Variants in ERICH3 observed in about 807,000 individuals in gnomAD.
ERICH3 encodes glutamate rich 3, also known as glutamate-rich protein 3.
ERICH3 carries 126 observed loss-of-function variants against 131.1 expected under a neutral mutation model. That is an observed-to-expected ratio of 0.96 (90% CI 0.83 to 1.11). The LOEUF (loss-of-function observed/expected upper bound fraction) is 1.11, where lower values mean the gene tolerates loss of function less well. ERICH3 is among the 50% of genes most tolerant of loss of function. ERICH3 has a pLI of 0.00. For synonymous variants in ERICH3, 695 were observed against 644.6 expected (o/e 1.08, Z -1.18); for missense variants, 2,050 against 1,810.7 (o/e 1.13, Z -2.40).
chr1:74,639,818 A>T (rs1438208922), intron 5 of ERICH3, among the ~76,000 whole-genome samples: 1 of 152,194 alleles, frequency 6.6e-6, no homozygotes, highest in Non-Finnish European at 1.5e-5. Flanking sequence ...AAAAAAATCA[A>T]TGGCAAGATC....
intron 1 of ERICH3, among the ~76,000 whole-genome samples, chr1:74,656,959 A>G (rs571689332): frequency 6.6e-6 from 1 of 152,338 alleles, no homozygotes; most frequent in African/African-American, 2.4e-5. Context: ...GTATGGAGCT[A>G]TGCACACAGT....
Position 74,571,579 on chromosome 1 carries a change from G to C in ERICH3, c.4131C>G (p.Ser1377=). 6.2e-7 allele frequency: 1 copy of C among 1,614,126 alleles called. No homozygotes were observed. The highest frequency in any genetic ancestry group is 8.5e-7 in the Non-Finnish European group (1 of 1,180,002). The change falls in exon 14 of 15, where the codon TCC becomes TCG. Residue 1377 remains serine, a synonymous_variant. Transcript: ENST00000326665. ...TTTCTTCCTCAGCAACATCTGAAAA[G>C]GAGGAGGCTTTATTTGCTATTGTTT... is the stretch of plus-strand genomic sequence containing the variant. ...EEKTIANKAS[S]FSDVAEEETW...
chr1:74,603,655 G>T (rs1648252673), intron 10 of ERICH3, among the ~76,000 whole-genome samples: 1 of 151,922 alleles, frequency 6.6e-6, no homozygotes. Flanking sequence ...TTGCAATAAA[G>T]ATAGTGATAT....
chr1:74,608,091 T>C (rs1336569878), intron 9 of ERICH3, among the ~76,000 whole-genome samples: 7 of 151,966 alleles, frequency 4.6e-5, no homozygotes, highest in Non-Finnish European at 1.0e-4. Flanking sequence ...CATCACATCA[T>C]ACTGAAGCAC....
Position 74,571,549 on chromosome 1 carries a change from C to T in ERICH3, c.4161G>A (p.Trp1387Ter), listed in dbSNP as rs1385661953. ...TTCCTACTAACTCATCCTGTTGGTG[C>T]CAGGTTTCTTCCTCAGCAACATCTG... ...SFSDVAEEET[W>*]HQQDELVGKT... The change falls in exon 14 of 15, where the codon TGG (tryptophan) becomes TGA (stop). Residue 1387 changes from tryptophan to a stop codon, truncating the protein, a stop_gained. Transcript: ENST00000326665. LOFTEE classifies it high-confidence loss of function. The T allele has an allele frequency of 6.2e-7, 1 of 1,614,162 alleles. No individual in the cohort carries two copies. Among genetic ancestry groups the T allele is most frequent in the African/African-American group, 1.3e-5 (1 of 75,040 alleles).
Position 74,589,616 on chromosome 1 carries a change from A to G in ERICH3, c.2176+15T>C, listed in dbSNP as rs539124280. ...CATGAGGATGATGGCAGCTCAACTC[A>G]ACGGCCATACTTACCACCTTCCTCC... On this transcript the variant is annotated intron_variant, in intron 12 of 14. Coordinates refer to ENST00000326665, the MANE Select transcript of ERICH3 (RefSeq NM_001002912.5). 2 of 1,610,626 alleles carry G rather than the reference A, an allele frequency of 1.2e-6. No individual in the cohort carries two copies. The highest frequency in any genetic ancestry group is 1.7e-6 in the Non-Finnish European group (2 of 1,177,906).
intron 1 of ERICH3, among the ~76,000 whole-genome samples, chr1:74,661,827 A>G (rs923563630): frequency 1.3e-5 from 2 of 152,242 alleles, no homozygotes; most frequent in Admixed American, 1.3e-4. Flanking sequence ...TACATAAAGC[A>G]TAACTGGAAT....
chr1:74,674,055 C>G (rs1158093271), upstream of ERICH3, among the ~76,000 whole-genome samples: 5 of 152,160 alleles, frequency 3.3e-5, no homozygotes, highest in Admixed American at 3.3e-4. Context: ...GCAGCTACTG[C>G]GTGATGCGGT....
intron 12 of ERICH3, among the ~76,000 whole-genome samples, chr1:74,588,422 A>G (rs1481349047): frequency 6.6e-6 from 1 of 152,162 alleles, no homozygotes; most frequent in East Asian, 1.9e-4. Flanking sequence ...TGTGCATAGT[A>G]GAAGATTAAT....
chr1:74,611,597 T>C (rs78000604), intron 9 of ERICH3, among the ~76,000 whole-genome samples: 5,861 of 152,234 alleles, frequency 0.038, 393 homozygotes, highest in African/African-American at 0.14. Context: ...CTTAGCCTCA[T>C]GGTCTCTGCG....
intron 12 of ERICH3, chr1:74,577,513 TA>T (rs1647088206): frequency 6.6e-6 from 1 of 152,234 alleles, no homozygotes; most frequent in African/African-American, 2.4e-5. Flanking sequence ...TCAAAAGGTA[TA>T]AAAACAGGTC....
chr1:74,592,880 G>T (rs2100566619), intron 11 of ERICH3, among the ~76,000 whole-genome samples: 1 of 152,078 alleles, frequency 6.6e-6, no homozygotes, highest in Admixed American at 6.6e-5. Context: ...AAAAGCTTCA[G>T]GGTTATGAAA....
At chr1:74,671,387 G>A (rs1646741879) in intron 1 of ERICH3, among the ~76,000 whole-genome samples, 1 of 152,138 alleles carries the variant, frequency 6.6e-6, no homozygotes, top group Non-Finnish European at 1.5e-5. Flanking sequence ...TGTACCTACT[G>A]TCTGTTATTA....
intron 1 of ERICH3, among the ~76,000 whole-genome samples, chr1:74,651,952 C>A (rs1646539052): frequency 1.3e-5 from 2 of 152,124 alleles, no homozygotes; most frequent in Non-Finnish European, 2.9e-5. Context: ...GTGCACGATG[C>A]CTGTCCAGGC....
At chr1:74,570,911 A>C (rs1646929597) in intron 14 of ERICH3, among the ~76,000 whole-genome samples, 188 bp downstream of exon 14, 1 of 152,080 alleles carries the variant, frequency 6.6e-6, no homozygotes, top group Admixed American at 6.5e-5. Flanking sequence ...GTCCCTGTGC[A>C]TGCTTTGGCC....
At position 74,573,228 on chromosome 1, in the gene ERICH3, T is replaced by C. The variant is rs772182365; in HGVS notation, c.2482A>G (p.Lys828Glu). ...TCTATGCCTGGAGGGATCTCCCTTT[T>C]TTCTGTAAACTCTTCTGCCAATTCT... Reference protein sequence around the residue: ...QPELAEEFTEKREIPPGIERG... With the variant: ...QPELAEEFTEEREIPPGIERG... The change falls in exon 14 of 15, where the codon AAA (lysine) becomes GAA (glutamate). Residue 828 changes from lysine (K) to glutamate (E), a missense_variant. Transcript: ENST00000326665. 7.5e-6 allele frequency: 12 copies of C among 1,609,550 alleles called. No homozygotes were observed. In the South Asian group the frequency reaches 7.8e-5, roughly 10 times the overall value.
intron 8 of ERICH3, among the ~76,000 whole-genome samples, chr1:74,613,189 T>C (rs1462168437): frequency 6.6e-6 from 1 of 152,226 alleles, no homozygotes; most frequent in African/African-American, 2.4e-5. Flanking sequence ...TTGCATTTGA[T>C]TACTTTTATT....
Position 74,589,810 on chromosome 1 carries a change from T to C in ERICH3, c.1997A>G (p.Glu666Gly), listed in dbSNP as rs775314912. The C allele has an allele frequency of 1.9e-6, 3 of 1,614,132 alleles. No homozygotes were observed. The South Asian group carries it at 3.3e-5, about 18-fold the overall frequency. The change falls in exon 12 of 15, where the codon GAG becomes GGG. Residue 666 changes from glutamate to glycine, a missense_variant. Transcript: ENST00000326665. ...TKPMPIDESF[E>G]NVLKEGTEKG... ...CTCCGTTCCTTCTTTAAGAACATTCTCAAAGCTTTCGTCTATTGGCATCGG... is the reference window on the plus strand; with the variant it reads ...CTCCGTTCCTTCTTTAAGAACATTCCCAAAGCTTTCGTCTATTGGCATCGG...
chr1:74,614,782 A>G (rs1557684354), intron 8 of ERICH3, among the ~76,000 whole-genome samples: 2 of 152,204 alleles, frequency 1.3e-5, no homozygotes. Context: ...ATGTAAAATT[A>G]AACTAGGAAA....
Sources: gnomAD v4.1 joint callset for allele counts (sites outside exome capture counted in the v4.1 genomes callset) on GRCh38, gnomAD v4.1.1 for gene constraint, MANE v1.5 for transcripts, NCBI Gene and HGNC (gene_info 2026-07-23, HGNC 2026-07-21) for gene names.